FRMPD4: variants seen among roughly 807,000 people sequenced by gnomAD.
The protein encoded by FRMPD4 is FERM and PDZ domain containing 4.
A neutral mutation model predicts 94.1 loss-of-function variants in FRMPD4; 22 were observed. The ratio of observed to expected loss-of-function variants is 0.23; its 90% confidence interval spans 0.17 to 0.33. The LOEUF (loss-of-function observed/expected upper bound fraction) is 0.33. Ranked by LOEUF, FRMPD4 falls within the 10% of genes least tolerant of loss-of-function variation. The pLI, the probability that FRMPD4 is intolerant of heterozygous loss-of-function variation, is 1.00. For synonymous variants in FRMPD4, 631 were observed against 548.6 expected (o/e 1.15, Z -2.10); for missense variants, 1,111 against 1,339.9 (o/e 0.83, Z 2.67).
At chrX:12,527,506 T>G (rs1447607287) in intron 2 of FRMPD4, among the ~76,000 whole-genome samples, 1 of 75,082 alleles carries the variant, frequency 1.3e-5, no homozygotes, top group African/African-American at 5.4e-5. Flanking sequence ...TTTTTTTTTT[T>G]GTCTTCCTTC....
At chrX:12,493,712 T>C (rs1257489819) in intron 1 of FRMPD4, among the ~76,000 whole-genome samples, 2 of 112,099 alleles carry the variant, frequency 1.8e-5, no homozygotes, top group Non-Finnish European at 3.8e-5. Flanking sequence ...TTTCTTCATC[T>C]TTGAAAGGGA....
At chrX:12,364,675 A>G (rs1322694198) in intron 1 of FRMPD4, among the ~76,000 whole-genome samples, 3 of 111,493 alleles carry the variant, frequency 2.7e-5, no homozygotes, top group Non-Finnish European at 5.7e-5. Context: ...ATAACATCCT[A>G]TTATCTAAAG....
At chrX:12,593,965 A>G (rs1411214286) in intron 2 of FRMPD4, among the ~76,000 whole-genome samples, 1 of 112,101 alleles carries the variant, frequency 8.9e-6, no homozygotes, top group Non-Finnish European at 1.9e-5. Flanking sequence ...CTTTGCATTT[A>G]TTAATGAGAA....
intron 1 of FRMPD4, among the ~76,000 whole-genome samples, chrX:12,165,958 A>G (rs1437554494): frequency 1.3e-4 from 15 of 111,308 alleles, no homozygotes; most frequent in Non-Finnish European, 2.6e-4. Flanking sequence ...GGGCTGAGAC[A>G]ATGGGGTTTT....
intron 3 of FRMPD4, among the ~76,000 whole-genome samples, chrX:12,040,808 C>T (rs1023227881): frequency 1.5e-4 from 17 of 110,365 alleles, no homozygotes; most frequent in African/African-American, 4.3e-4. Flanking sequence ...GGATTACAGG[C>T]GTGAGCCACC....
At chrX:12,631,580 T>C (rs1022718860) in intron 4 of FRMPD4, among the ~76,000 whole-genome samples, 3 of 110,130 alleles carry the variant, frequency 2.7e-5, no homozygotes, top group East Asian at 5.7e-4. Flanking sequence ...GTGTGTGATG[T>C]TCCCCTCCCT....
At chrX:12,644,121 G>A (rs2059525795) in intron 4 of FRMPD4, among the ~76,000 whole-genome samples, 1 of 109,445 alleles carries the variant, frequency 9.1e-6, no homozygotes, top group Non-Finnish European at 1.9e-5. Flanking sequence ...CCAGGCTGGA[G>A]TGCAGTGACA....
chrX:12,231,050 A>AATATATAT lies in FRMPD4; in HGVS notation c.41+92056_41+92063dup, dbSNP rs34870506. 8.5e-4 allele frequency among the ~76,000 whole-genome samples: 26 copies of AATATATAT among 30,548 alleles called. 1 individual carries two copies. The highest frequency in any genetic ancestry group is 2.5e-3 in the African/African-American group (24 of 9,515). 26.5% of individuals were successfully genotyped at this position (30,548 alleles called of 115,157 possible). A position where few individuals can be genotyped will look rare whatever the true frequency, so the allele number is the denominator to read the frequency against. ...ATATAGTATATATATATATATATAA[A>AATATATAT]ATATATATATATATATATATATATA... On this transcript the variant is annotated intron_variant, in intron 1 of 16. Transcript: ENST00000675598.
At chrX:12,663,075 T>C (rs2059735241) in intron 4 of FRMPD4, among the ~76,000 whole-genome samples, 1 of 112,739 alleles carries the variant, frequency 8.9e-6, no homozygotes, top group Non-Finnish European at 1.9e-5. Flanking sequence ...TCAATCTGTT[T>C]AAGTTCCTTA....
At chrX:12,665,401 A>G (rs2059765389) in intron 4 of FRMPD4, among the ~76,000 whole-genome samples, 1 of 109,481 alleles carries the variant, frequency 9.1e-6, no homozygotes, top group African/African-American at 3.3e-5. Context: ...CCAAGATTGC[A>G]CCACTGCACT....
At chrX:12,089,130 G>A (rs937996481) in intron 3 of FRMPD4, among the ~76,000 whole-genome samples, 11 of 111,903 alleles carry the variant, frequency 9.8e-5, no homozygotes, top group African/African-American at 3.6e-4. Flanking sequence ...TCAGATAATT[G>A]TAATCATTCA....
chrX:12,403,627 A>G (rs954093416), intron 1 of FRMPD4, among the ~76,000 whole-genome samples: 1 of 111,410 alleles, frequency 9.0e-6, no homozygotes, highest in East Asian at 2.8e-4. Context: ...CCTTTTGATC[A>G]CTGTCGGCCC....
intron 3 of FRMPD4, among the ~76,000 whole-genome samples, chrX:12,021,701 C>T (rs1367354870): frequency 9.0e-6 from 1 of 111,068 alleles, no homozygotes; most frequent in Non-Finnish European, 1.9e-5. Flanking sequence ...AAATTTTGAC[C>T]CTGGAAATTT....
At chrX:12,687,951 A>G (rs752776269) in intron 7 of FRMPD4, among the ~76,000 whole-genome samples, 2 of 112,115 alleles carry the variant, frequency 1.8e-5, no homozygotes, top group African/African-American at 6.5e-5. Flanking sequence ...CTATAAATCA[A>G]TTGTTAGCGC....
At position 12,506,698 on chromosome X, in the gene FRMPD4, C is replaced by T. The variant is rs776314315; in HGVS notation, c.158+7902C>T. On this transcript the variant is annotated intron_variant, in intron 2 of 16. Coordinates refer to ENST00000675598, the MANE Select transcript of FRMPD4 (RefSeq NM_001368397.1). ...TCAGATGAAAATATAAGAGCATTAACTTGTCTGAAGAATCACTGAAATGAT... is the reference window on the plus strand; with the variant it reads ...TCAGATGAAAATATAAGAGCATTAATTTGTCTGAAGAATCACTGAAATGAT... Among the ~76,000 whole-genome samples, 7 of 112,969 alleles carry T rather than the reference C, an allele frequency of 6.2e-5. No individual in the cohort carries two copies. The East Asian group carries it at 1.9e-3, about 31-fold the overall frequency.
At chrX:12,076,571 A>G (rs1407223007) in intron 3 of FRMPD4, among the ~76,000 whole-genome samples, 1 of 110,865 alleles carries the variant, frequency 9.0e-6, no homozygotes, top group East Asian at 2.8e-4. Flanking sequence ...ACTACAGATG[A>G]TCAAATAAAT....
At chrX:12,499,989 C>A (rs757682391) in intron 2 of FRMPD4, among the ~76,000 whole-genome samples, 4 of 111,905 alleles carry the variant, frequency 3.6e-5, no homozygotes, top group South Asian at 7.6e-4. Flanking sequence ...GGAGTGGCTG[C>A]AGAGTGGTTT....
intron 3 of FRMPD4, among the ~76,000 whole-genome samples, chrX:12,034,315 T>TAG (rs1422882521): frequency 9.0e-6 from 1 of 111,433 alleles, no homozygotes; most frequent in Admixed American, 9.5e-5. Flanking sequence ...GTGGTCGGGA[T>TAG]AGAGAGAGAG....
At chrX:12,260,648 A>G (rs747027919) in intron 1 of FRMPD4, among the ~76,000 whole-genome samples, 9 of 112,229 alleles carry the variant, frequency 8.0e-5, no homozygotes, top group Non-Finnish European at 1.7e-4. Context: ...CCGTTCACTT[A>G]TCAGTGACTT....
Sources: gnomAD v4.1 joint callset for allele counts (sites outside exome capture counted in the v4.1 genomes callset) on GRCh38, gnomAD v4.1.1 for gene constraint, MANE v1.5 for transcripts, NCBI Gene and HGNC (gene_info 2026-07-23, HGNC 2026-07-21) for gene names.